The following RELN variants were observed in gnomAD, a reference collection of about 807,000 sequenced individuals.
The protein encoded by RELN is reelin.
RELN carries 108 observed loss-of-function variants against 427.6 expected under a neutral mutation model. That is an observed-to-expected ratio of 0.25 (90% CI 0.22 to 0.30). RELN has a LOEUF of 0.30. Among genes scored for constraint, RELN ranks in the 10% least tolerant of loss-of-function variants. The pLI is 1.00. For synonymous variants in RELN, 1,524 were observed against 1,513.4 expected (o/e 1.01, Z -0.16); for missense variants, 3,715 against 4,302.8 (o/e 0.86, Z 3.82).
chr7:103,488,364 A>C (rs77164265), intron 60 of RELN, among the ~76,000 whole-genome samples: 2,263 of 152,282 alleles, frequency 0.015, 46 homozygotes, highest in South Asian at 0.12. Flanking sequence ...AGAGAGGGCA[A>C]ATTCCAGACA....
At chr7:103,561,400 C>CTAAAAGTCAATAACTATGTATTAAATA (rs1830638129) in intron 36 of RELN, 132 bp downstream of exon 36, 1 of 823,540 alleles carries the variant, frequency 1.2e-6, no homozygotes. Flanking sequence ...ATGGTTTGGG[C>CTAAAAGTCAATAACTATGTATTAAATA]TAAAAGTCAA....
intron 2 of RELN, among the ~76,000 whole-genome samples, chr7:103,899,011 T>C (rs931922252): frequency 6.6e-6 from 1 of 151,696 alleles, no homozygotes. Context: ...AACTGTCCCA[T>C]ACAAAACTAG....
intron 2 of RELN, among the ~76,000 whole-genome samples, chr7:103,912,059 TTA>T (rs1795380055): frequency 6.6e-6 from 1 of 152,212 alleles, no homozygotes; most frequent in Non-Finnish European, 1.5e-5. Context: ...AATACTAGTT[TTA>T]TGTTAATTGC....
chr7:103,730,973 T>C (rs1790338403), intron 6 of RELN, among the ~76,000 whole-genome samples: 1 of 152,102 alleles, frequency 6.6e-6, no homozygotes, highest in Admixed American at 6.6e-5. Flanking sequence ...GCTTTACTGA[T>C]ACAAGGACCA....
chr7:103,851,826 G>A (rs771180432), intron 2 of RELN, among the ~76,000 whole-genome samples: 2 of 152,156 alleles, frequency 1.3e-5, no homozygotes, highest in African/African-American at 2.4e-5. Flanking sequence ...GTTCAAGTAG[G>A]CATTATTCAA....
chr7:103,598,697 T>C (rs362672), intron 24 of RELN, among the ~76,000 whole-genome samples: 34,032 of 152,158 alleles, frequency 0.22, 4,635 homozygotes, highest in African/African-American at 0.36. Flanking sequence ...ATCACACAAA[T>C]GCTTAGTTTG....
At chr7:103,718,196 C>T (rs1350234062) in intron 8 of RELN, among the ~76,000 whole-genome samples, 4 of 151,888 alleles carry the variant, frequency 2.6e-5, no homozygotes, top group Admixed American at 2.6e-4. Context: ...ATCTCTGAGA[C>T]TCCGTAGCAT....
At chr7:103,827,428 C>T (rs543708843) in intron 3 of RELN, among the ~76,000 whole-genome samples, 1 of 152,094 alleles carries the variant, frequency 6.6e-6, no homozygotes, top group African/African-American at 2.4e-5. Context: ...ATTAATATAA[C>T]AAAAATAACT....
chr7:103,730,198 T>C (rs558230563), intron 6 of RELN, among the ~76,000 whole-genome samples: 2 of 152,252 alleles, frequency 1.3e-5, no homozygotes, highest in East Asian at 3.9e-4. Flanking sequence ...AGTGTCACTG[T>C]TGATGTGAAA....
Position 103,620,805 on chromosome 7 carries a change from T to C in RELN, c.2703-9002A>G, listed in dbSNP as rs1427097770. On this transcript the variant is annotated intron_variant, in intron 20 of 64. Transcript: ENST00000428762. This position sits in a 1 kb window ranked among gnomAD's most constrained non-coding sequence, Gnocchi z 4.1. Reference sequence around the variant, plus strand: ...GATCCACATTTATACCACTTCTCATTAGGATTTGCCCTTTCAACACACTCC... The same window carrying C: ...GATCCACATTTATACCACTTCTCATCAGGATTTGCCCTTTCAACACACTCC... 6.6e-6 allele frequency among the ~76,000 whole-genome samples: 1 copy of C among 152,086 alleles called. No individual in the cohort carries two copies. Among genetic ancestry groups the C allele is most frequent in the Non-Finnish European group, 1.5e-5 (1 of 67,990 alleles).
At chr7:103,912,118 A>G (rs942210036) in intron 2 of RELN, among the ~76,000 whole-genome samples, 9 of 152,114 alleles carry the variant, frequency 5.9e-5, no homozygotes, top group Non-Finnish European at 1.2e-4. Context: ...TGTTTAAGAG[A>G]AAAAATTACA....
At chr7:103,703,905 T>C (rs1292499160) in intron 8 of RELN, among the ~76,000 whole-genome samples, 1 of 152,226 alleles carries the variant, frequency 6.6e-6, no homozygotes, top group African/African-American at 2.4e-5. Context: ...AAAGCCCATA[T>C]ACTTCATTTT....
intron 16 of RELN, among the ~76,000 whole-genome samples, chr7:103,644,127 G>C: frequency 6.6e-6 from 1 of 151,586 alleles, no homozygotes; most frequent in Middle Eastern, 3.2e-3. Flanking sequence ...CCATCCAAAT[G>C]AAAGTAAATT....
intron 20 of RELN, among the ~76,000 whole-genome samples, chr7:103,623,609 G>C (rs17153769): frequency 0.037 from 5,629 of 152,222 alleles, 363 homozygotes; most frequent in African/African-American, 0.13. Context: ...ACACTGACTA[G>C]TTTCCCAAGA....
At chr7:103,599,478 G>T (rs1027312867) in intron 24 of RELN, among the ~76,000 whole-genome samples, 2 of 152,130 alleles carry the variant, frequency 1.3e-5, no homozygotes, top group Admixed American at 6.6e-5. Flanking sequence ...ATTTGTAAAT[G>T]TCTAGTGCAT....
intron 11 of RELN, among the ~76,000 whole-genome samples, chr7:103,662,525 G>T (rs1052161254): frequency 6.6e-6 from 1 of 151,806 alleles, no homozygotes; most frequent in African/African-American, 2.4e-5. Context: ...GGGAGGCTGA[G>T]GCTGGAGAAT....
At position 103,560,906 on chromosome 7, in the gene RELN, T is replaced by C. The variant is rs546900734; in HGVS notation, c.5529+626A>G. 2.8e-4 allele frequency among the ~76,000 whole-genome samples: 42 copies of C among 152,348 alleles called. No individual in the cohort carries two copies. The South Asian group carries it at 8.3e-3, about 30-fold the overall frequency. ...CTGTACAGAAACCCATGCAGGTTTT[T>C]GTCAAAGATTTCATTTGCACACCTA... On this transcript the variant is annotated intron_variant, in intron 36 of 64. Transcript: ENST00000428762.
intron 16 of RELN, among the ~76,000 whole-genome samples, chr7:103,643,835 G>C (rs1403403466): frequency 2.6e-5 from 4 of 151,972 alleles, no homozygotes; most frequent in Non-Finnish European, 5.9e-5. Flanking sequence ...ACAAACTCCT[G>C]AAATCAAGTG....
chr7:103,724,391 A>G (rs1790153101), intron 7 of RELN, among the ~76,000 whole-genome samples: 1 of 152,112 alleles, frequency 6.6e-6, no homozygotes, highest in Non-Finnish European at 1.5e-5. Context: ...TTCAGTTGGG[A>G]TGTGAATATT....
Sources: allele counts gnomAD v4.1 joint callset (sites outside exome capture counted in the v4.1 genomes callset), GRCh38; gene constraint gnomAD v4.1.1; non-coding constraint Gnocchi (gnomAD v3.1); transcripts MANE v1.5; gene names NCBI Gene and HGNC (gene_info 2026-07-23, HGNC 2026-07-21).